Variants in RPGRIP1 observed in about 807,000 individuals in gnomAD.
The protein encoded by RPGRIP1 is RPGR interacting protein 1.
A neutral mutation model predicts 157.9 loss-of-function variants in RPGRIP1; 128 were observed. That is an observed-to-expected ratio of 0.81 (90% confidence interval 0.70 to 0.94). The LOEUF is 0.94. RPGRIP1 is among the 40% of genes least tolerant of loss of function. The probability of loss-of-function intolerance (pLI) is 0.00; values close to 1 mark genes in which losing one functional copy is unlikely to be tolerated. For synonymous variants in RPGRIP1, 554 were observed against 571.6 expected, an observed-to-expected ratio of 0.97 and a Z score of 0.44; for missense variants, 1,486 against 1,545.8, an observed-to-expected ratio of 0.96 and a Z score of 0.65.
chr14:21,300,066 C>A (rs1424994572), intron 3 of RPGRIP1, among the ~76,000 whole-genome samples: 5 of 152,166 alleles, frequency 3.3e-5, no homozygotes, highest in Admixed American at 3.3e-4. Context: ...GAGGCCAAGG[C>A]GGGCGAATCA....
intron 4 of RPGRIP1, among the ~76,000 whole-genome samples, chr14:21,301,557 G>A (rs1881028866): frequency 1.3e-5 from 2 of 151,904 alleles, no homozygotes; most frequent in South Asian, 2.1e-4. Flanking sequence ...CGCACCTGTA[G>A]TCCCAGTTAT....
intron 2 of RPGRIP1, among the ~76,000 whole-genome samples, chr14:21,289,252 C>T (rs1160846707): frequency 6.6e-6 from 1 of 152,076 alleles, no homozygotes; most frequent in Non-Finnish European, 1.5e-5. Flanking sequence ...GGTGTGAACT[C>T]AGGAAGTGGA....
At chr14:21,345,307 A>C in intron 23 of RPGRIP1, 110 bp downstream of exon 23, 2 of 700,052 alleles carry the variant, frequency 2.9e-6, no homozygotes, top group Non-Finnish European at 2.4e-6. Flanking sequence ...TTTTTGAGTT[A>C]ATTTACTCTT....
At chr14:21,322,164 T>C (rs1225872726) in intron 14 of RPGRIP1, among the ~76,000 whole-genome samples, 160 bp downstream of exon 14, 1 of 152,070 alleles carries the variant, frequency 6.6e-6, no homozygotes, top group Non-Finnish European at 1.5e-5. Context: ...TTTTTTTTGC[T>C]TGTTTGCTTT....
chr14:21,340,235 A>T (rs1320051852), intron 21 of RPGRIP1, among the ~76,000 whole-genome samples: 1 of 152,164 alleles, frequency 6.6e-6, no homozygotes, highest in Non-Finnish European at 1.5e-5. Context: ...ACCCCCTTTC[A>T]AAGGAGGACA....
At position 21,320,815 on chromosome 14, in the gene RPGRIP1, G is replaced by T. The variant is rs189355767; in HGVS notation, c.1468-444G>T. 2.7e-3 allele frequency among the ~76,000 whole-genome samples: 409 copies of T among 151,416 alleles called. 3 individuals are homozygous for T. Among genetic ancestry groups the T allele is most frequent in the African/African-American group, 9.5e-3 (393 of 41,248 alleles). The stretch of plus-strand genomic sequence containing the variant: ...AGGGTTTCGCCATTTTGGCCAGGCT[G>T]GTCTCGAACTCCTGACCTCTGGTGA... On this transcript the variant is annotated intron_variant, in intron 12 of 24. Transcript: ENST00000400017.
In RPGRIP1 at chr14:21,311,947, A is replaced by G. The variant is rs753119341; in HGVS notation, c.1054A>G (p.Ile352Val). The G allele has an allele frequency of 6.2e-7, 1 of 1,613,464 alleles. No individual in the cohort carries two copies. The highest frequency in any genetic ancestry group is 1.1e-5 in the South Asian group (1 of 90,888). The stretch of plus-strand genomic sequence containing the variant: ...GAAGAGCCAACTGGAAGATGTGTCT[A>G]TCTTGCAGATGACTCTGAAGGAGGT... ...SLKSQLEDVS[I>V]LQMTLKEFQE... Residue 352 changes from isoleucine (I) to valine (V), a missense_variant, in exon 9 of 25, where the codon ATC becomes GTC. Coordinates refer to ENST00000400017, the MANE Select transcript of RPGRIP1 (RefSeq NM_020366.4).
intron 7 of RPGRIP1, 60 bp from the exon 8 acceptor site, chr14:21,310,524 G>A: frequency 1.2e-6 from 1 of 852,226 alleles, no homozygotes; most frequent in Non-Finnish European, 1.8e-6. Context: ...TTATATTACA[G>A]TGATAAATAT....
intron 7 of RPGRIP1, among the ~76,000 whole-genome samples, chr14:21,308,829 C>G (rs1465862804): frequency 6.6e-6 from 1 of 152,176 alleles, no homozygotes; most frequent in African/African-American, 2.4e-5. Context: ...GCATAGGGCT[C>G]AGGGGATTGG....
chr14:21,313,607 A>G (rs762542234), intron 10 of RPGRIP1, among the ~76,000 whole-genome samples: 27 of 151,920 alleles, frequency 1.8e-4, no homozygotes, highest in Non-Finnish European at 4.0e-4. Flanking sequence ...GACCAACATG[A>G]TGAAGCCCTG....
chr14:21,330,122 A>T (rs1005329936), intron 19 of RPGRIP1, 127 bp from the exon 20 acceptor site: 39 of 531,876 alleles, frequency 7.3e-5, no homozygotes, highest in Middle Eastern at 6.0e-4. Flanking sequence ...TGTCTCAAAA[A>T]AATAATAATA....
At chr14:21,296,269 G>A (rs538229360) in intron 3 of RPGRIP1, among the ~76,000 whole-genome samples, 1 of 152,074 alleles carries the variant, frequency 6.6e-6, no homozygotes, top group Admixed American at 6.6e-5. Flanking sequence ...CACTGGCCGT[G>A]CTGCCCAGGC....
At chr14:21,330,044 G>A (rs1317031891) in intron 19 of RPGRIP1, among the ~76,000 whole-genome samples, 1 of 151,436 alleles carries the variant, frequency 6.6e-6, no homozygotes, top group East Asian at 2.0e-4. Flanking sequence ...CTTGAACCCA[G>A]GAGGCGAAGG....
intron 2 of RPGRIP1, among the ~76,000 whole-genome samples, chr14:21,288,325 C>G (rs1391687099): frequency 6.6e-6 from 1 of 151,302 alleles, no homozygotes; most frequent in Non-Finnish European, 1.5e-5. Context: ...GGATTACAGG[C>G]GTGCACCACC....
chr14:21,294,752 G>A lies in RPGRIP1; in HGVS notation c.161G>A (p.Arg54His), dbSNP rs376250340. 2.3e-5 allele frequency: 37 copies of A among 1,611,562 alleles called. No homozygotes were observed. In the African/African-American group the frequency reaches 3.6e-4, roughly 16 times the overall value. The change falls in exon 3 of 25, where the codon CGC (arginine) becomes CAC (histidine). Residue 54 changes from arginine (R) to histidine (H), a missense_variant. By Grantham distance (29) the Arg-to-His change is conservative. Transcript: ENST00000400017. ...EELEDSFFRLREDHMLVKELS... is the reference protein window; with the variant it reads ...EELEDSFFRLHEDHMLVKELS... ...TTGGAGGACAGTTTCTTTCGACTTC[G>A]CGAAGATCACATGTTGGTGAAGGAG... is the stretch of plus-strand genomic sequence containing the variant.
intron 1 of RPGRIP1, among the ~76,000 whole-genome samples, chr14:21,280,698 C>T (rs1880095008): frequency 6.6e-6 from 1 of 152,006 alleles, no homozygotes. Flanking sequence ...CTTCATGATC[C>T]ATCCTATTCT....
In RPGRIP1 at chr14:21,300,966, G is replaced by T; in HGVS notation, c.219G>T (p.Arg73Ser). Residue 73 changes from arginine (R) to serine (S), a missense_variant and splice_region_variant, in exon 4 of 25, where the codon AGG (arginine) becomes AGT (serine). Transcript: ENST00000400017. ...LSWKQQDEIK[R>S]LRTTLLRLTA... ...AGCCACGTGCTCTATTTGTCCACAG[G>T]CTGAGGACCACCTTGCTGCGGTTGA... 1 of 1,612,744 alleles carries T rather than the reference G, an allele frequency of 6.2e-7. No homozygotes were observed. Among genetic ancestry groups the T allele is most frequent in the East Asian group, 2.2e-5 (1 of 44,844 alleles).
In RPGRIP1 at chr14:21,326,936, G is replaced by A. The variant is rs187523704; in HGVS notation, c.2711-687G>A. Among the ~76,000 whole-genome samples the A allele has an allele frequency of 8.8e-4, 134 of 152,124 alleles. 1 individual carries two copies. The highest frequency in any genetic ancestry group is 3.0e-3 in the African/African-American group (126 of 41,472). Reference sequence around the variant, plus strand: ...TGTCTTTCCTAACTTTTATACCTAGGATTGTGGGGGTGTACCAAGAGGGGT... The same window carrying A: ...TGTCTTTCCTAACTTTTATACCTAGAATTGTGGGGGTGTACCAAGAGGGGT... On this transcript the variant is annotated intron_variant, in intron 17 of 24. Coordinates refer to ENST00000400017, the MANE Select transcript of RPGRIP1 (RefSeq NM_020366.4).
At chr14:21,313,327 C>T (rs557926170) in intron 10 of RPGRIP1, among the ~76,000 whole-genome samples, 3 of 140,494 alleles carry the variant, frequency 2.1e-5, no homozygotes, top group East Asian at 4.1e-4. Flanking sequence ...TATAGTGAGA[C>T]CCTGTTCTCC....
Sources: allele counts gnomAD v4.1 joint callset (sites outside exome capture counted in the v4.1 genomes callset), GRCh38; gene constraint gnomAD v4.1.1; transcripts MANE v1.5; gene names NCBI Gene and HGNC (gene_info 2026-07-23, HGNC 2026-07-21).